Variants in POU2F1 observed in about 807,000 individuals in gnomAD.
POU2F1 encodes POU domain, class 2, transcription factor 1.
In POU2F1, 16 loss-of-function variants were observed where a neutral mutation model predicts 84.9. That is an observed-to-expected ratio of 0.19 (90% CI 0.13 to 0.29). POU2F1 has a LOEUF of 0.29. Among genes scored for constraint, POU2F1 ranks in the 10% least tolerant of loss-of-function variants. POU2F1 has a pLI of 1.00. For missense variants in POU2F1, 738 were observed against 942.6 expected, an observed-to-expected ratio of 0.78 and a Z score of 2.84; for synonymous variants, 368 against 368.3, an observed-to-expected ratio of 1.00 and a Z score of 0.01.
chr1:167,241,723 A>T (rs981035290), intron 1 of POU2F1: 7 of 152,228 alleles, frequency 4.6e-5, no homozygotes, highest in Admixed American at 4.6e-4. Context: ...GTTTTACATG[A>T]ATTGTCTCGT....
intron 7 of POU2F1, among the ~76,000 whole-genome samples, chr1:167,377,029 G>T (rs749817401): frequency 6.6e-5 from 10 of 152,142 alleles, no homozygotes; most frequent in Admixed American, 1.3e-4. Flanking sequence ...ACATTCATAG[G>T]CTTACAAAAG....
At chr1:167,388,487 T>C (rs561232978) in intron 8 of POU2F1, among the ~76,000 whole-genome samples, 45 of 152,256 alleles carry the variant, frequency 3.0e-4, no homozygotes, top group Middle Eastern at 3.4e-3. Context: ...ATGCATAAAG[T>C]TTTTCATTGT....
At chr1:167,340,722 T>C (rs1260526773) in intron 2 of POU2F1, among the ~76,000 whole-genome samples, 1 of 152,136 alleles carries the variant, frequency 6.6e-6, no homozygotes, top group African/African-American at 2.4e-5. Context: ...CCACCATGCC[T>C]GCCCTGTTGT....
At chr1:167,222,803 A>G (rs1648337245) in intron 1 of POU2F1, among the ~76,000 whole-genome samples, 1 of 152,162 alleles carries the variant, frequency 6.6e-6, no homozygotes, top group Non-Finnish European at 1.5e-5. Context: ...CTAGGGGGAA[A>G]AATCTGTCCT....
intron 2 of POU2F1, among the ~76,000 whole-genome samples, chr1:167,358,122 C>CTTTTTTTT (rs763521021): frequency 6.2e-5 from 6 of 97,190 alleles, no homozygotes; most frequent in Non-Finnish European, 1.0e-4. Context: ...TTTTTCTTTT[C>CTTTTTTTT]TTTTTTTTTT....
chr1:167,382,898 A>G (rs1283653312), intron 7 of POU2F1, among the ~76,000 whole-genome samples: 1 of 152,196 alleles, frequency 6.6e-6, no homozygotes, highest in Non-Finnish European at 1.5e-5. Context: ...GATAAATTCT[A>G]TGGCTAATCT....
chr1:167,381,951 T>C (rs946418968), intron 7 of POU2F1, among the ~76,000 whole-genome samples: 1 of 147,582 alleles, frequency 6.8e-6, no homozygotes, highest in Non-Finnish European at 1.5e-5. Context: ...CTTTAGTCTT[T>C]TCAAAACAAT....
chr1:167,228,151 A>G (rs1230775671), intron 1 of POU2F1, among the ~76,000 whole-genome samples: 2 of 152,218 alleles, frequency 1.3e-5, no homozygotes, highest in Non-Finnish European at 2.9e-5. Flanking sequence ...AGGCCATTGA[A>G]GGGGAGATTG....
chr1:167,253,378 C>T (rs1458706306), intron 1 of POU2F1, among the ~76,000 whole-genome samples: 2 of 15,324 alleles, frequency 1.3e-4, no homozygotes, highest in Non-Finnish European at 3.7e-4. Flanking sequence ...ATTTTTCTGC[C>T]CCCCCCCCCC....
chr1:167,351,703 C>A (rs1432002707), intron 2 of POU2F1, among the ~76,000 whole-genome samples: 2 of 151,894 alleles, frequency 1.3e-5, no homozygotes, highest in Non-Finnish European at 2.9e-5. Context: ...AGATTCCAGG[C>A]TGGATATTTC....
chr1:167,360,637 T>C (rs1284422214), intron 2 of POU2F1, among the ~76,000 whole-genome samples: 1 of 152,212 alleles, frequency 6.6e-6, no homozygotes, highest in Non-Finnish European at 1.5e-5. Context: ...TGCTTCTGGC[T>C]TTATTCTTTT....
intron 9 of POU2F1, among the ~76,000 whole-genome samples, chr1:167,395,141 C>T (rs1048799802): frequency 5.9e-5 from 9 of 152,160 alleles, no homozygotes; most frequent in East Asian, 1.9e-4. Context: ...AACTATCTTA[C>T]GCTTTTTTCC....
At chr1:167,282,239 G>A (rs1653199993) in intron 1 of POU2F1, among the ~76,000 whole-genome samples, 3 of 151,494 alleles carry the variant, frequency 2.0e-5, no homozygotes, top group Admixed American at 6.6e-5. Context: ...ACCTCCCCAG[G>A]TTCACGCCAT....
intron 1 of POU2F1, among the ~76,000 whole-genome samples, chr1:167,254,699 C>A (rs1022469082): frequency 2.6e-5 from 4 of 152,154 alleles, no homozygotes; most frequent in Non-Finnish European, 5.9e-5. Flanking sequence ...GTTTAGTTCT[C>A]ATTATCAGAG....
Position 167,390,034 on chromosome 1 carries a change from G to A in POU2F1, c.987+273G>A, listed in dbSNP as rs537458206. 1.2e-4 allele frequency among the ~76,000 whole-genome samples: 18 copies of A among 152,300 alleles called. No homozygotes were observed. In the East Asian group the frequency reaches 1.9e-3, roughly 16 times the overall value. On this transcript the variant is annotated intron_variant, in intron 9 of 15. Transcript: ENST00000367866. Reference sequence around the variant, plus strand: ...ATTTAGAGTATATGGGAGGATACACGTATGTTATATACAAATATACATTTT... The same window carrying A: ...ATTTAGAGTATATGGGAGGATACACATATGTTATATACAAATATACATTTT...
In POU2F1 at chr1:167,423,774, A is replaced by G. The variant is rs920077845; in HGVS notation, c.*7964A>G. ...TCTTTGTGTACTTGTTCATCATTGT[A>G]TAAGTTAGCCACAGCTTCACAAGAG... is the stretch of plus-strand genomic sequence containing the variant. On this transcript the variant is annotated 3_prime_UTR_variant, in exon 16 of 16. Transcript: ENST00000367866. The G allele has an allele frequency of 1.3e-5, 2 of 152,260 alleles. No homozygotes were observed. The highest frequency in any genetic ancestry group is 4.8e-5 in the African/African-American group (2 of 41,468). 9.4% of individuals were successfully genotyped at this position (152,260 alleles called of 1,614,324 possible).
At chr1:167,259,159 A>G (rs1409894485) in intron 1 of POU2F1, among the ~76,000 whole-genome samples, 2 of 152,220 alleles carry the variant, frequency 1.3e-5, no homozygotes, top group Non-Finnish European at 2.9e-5. Context: ...TTTATCCCGA[A>G]GGAGGCTGGC....
chr1:167,341,600 C>T (rs1303804632), intron 2 of POU2F1, among the ~76,000 whole-genome samples: 1 of 152,116 alleles, frequency 6.6e-6, no homozygotes, highest in African/African-American at 2.4e-5. Flanking sequence ...CACAGACTGG[C>T]AGGTGCAGGA....
At chr1:167,385,863 A>G (rs1647936744) in intron 8 of POU2F1, among the ~76,000 whole-genome samples, 1 of 152,218 alleles carries the variant, frequency 6.6e-6, no homozygotes, top group Non-Finnish European at 1.5e-5. Flanking sequence ...TATCTGATAA[A>G]ACATTTGTGT....
Sources: allele counts gnomAD v4.1 joint callset (sites outside exome capture counted in the v4.1 genomes callset), GRCh38; gene constraint gnomAD v4.1.1; transcripts MANE v1.5; gene names NCBI Gene and HGNC (gene_info 2026-07-23, HGNC 2026-07-21).